Variants in ABCC11 observed in about 807,000 individuals in gnomAD.
The protein encoded by ABCC11 is ATP-binding cassette sub-family C member 11.
In ABCC11, 135 loss-of-function variants were observed where a neutral mutation model predicts 149.3. The ratio of observed to expected loss-of-function variants is 0.90; its 90% CI spans 0.79 to 1.04. The LOEUF (loss-of-function observed/expected upper bound fraction) is 1.04, where lower values mean the gene tolerates loss of function less well. Ranked by LOEUF, ABCC11 falls within the 50% of genes least tolerant of loss-of-function variation. ABCC11 has a pLI of 0.00. For synonymous variants in ABCC11, 665 were observed against 671.4 expected (o/e 0.99, Z 0.15); for missense variants, 1,680 against 1,722.1 (o/e 0.98, Z 0.43).
At chr16:48,192,492 C>T (rs142567632) in intron 20 of ABCC11, 28 bp downstream of exon 20, 80 of 1,611,438 alleles carry the variant, frequency 5.0e-5, no homozygotes, top group African/African-American at 4.3e-4. Flanking sequence ...GCTCAGCCTT[C>T]GGCCCCACCC....
chr16:48,217,789 G>A (rs755833185), intron 6 of ABCC11, among the ~76,000 whole-genome samples: 1 of 152,096 alleles, frequency 6.6e-6, no homozygotes, highest in Non-Finnish European at 1.5e-5. Flanking sequence ...GTACATCAGG[G>A]AGCATAAATT....
chr16:48,212,577 T>G (rs1479438326), intron 10 of ABCC11, among the ~76,000 whole-genome samples: 1 of 152,240 alleles, frequency 6.6e-6, no homozygotes, highest in Non-Finnish European at 1.5e-5. Context: ...TTTATTGGCA[T>G]CATGGCTCTT....
chr16:48,246,749 A>AT (rs1971411221), intron 1 of ABCC11, among the ~76,000 whole-genome samples: 1 of 151,864 alleles, frequency 6.6e-6, no homozygotes, highest in Non-Finnish European at 1.5e-5. Context: ...TAATTTTTAA[A>AT]TTTTTTGTAG....
intron 1 of ABCC11, chr16:48,244,414 T>TC: frequency 1.3e-6 from 2 of 1,579,416 alleles, no homozygotes; most frequent in South Asian, 2.3e-5. Context: ...CCCATCCAGA[T>TC]CCCCAGTCGC....
chr16:48,169,264 AG>A (rs1361623374), intron 28 of ABCC11, among the ~76,000 whole-genome samples: 1 of 152,222 alleles, frequency 6.6e-6, no homozygotes, highest in Non-Finnish European at 1.5e-5. Flanking sequence ...ATTTCAGCTC[AG>A]GTGTAAGGAA....
At chr16:48,243,738 T>C (rs1290072831) in intron 1 of ABCC11, among the ~76,000 whole-genome samples, 1 of 152,214 alleles carries the variant, frequency 6.6e-6, no homozygotes, top group African/African-American at 2.4e-5. Context: ...ACGCCTGTAA[T>C]CCCAGCACTT....
intron 1 of ABCC11, among the ~76,000 whole-genome samples, chr16:48,242,288 T>G (rs1345800988): frequency 6.6e-6 from 1 of 151,982 alleles, no homozygotes; most frequent in East Asian, 1.9e-4. Flanking sequence ...AACAGACACA[T>G]GAAAAAATGC....
At chr16:48,207,761 C>A (rs1262357203) in intron 12 of ABCC11, among the ~76,000 whole-genome samples, 1 of 151,936 alleles carries the variant, frequency 6.6e-6, no homozygotes. Flanking sequence ...GGTGTGTGAG[C>A]CACACATCCA....
intron 6 of ABCC11, among the ~76,000 whole-genome samples, chr16:48,221,914 G>A (rs1033664815): frequency 1.3e-5 from 2 of 150,082 alleles, no homozygotes; most frequent in South Asian, 4.2e-4. Context: ...GTTAATTTTT[G>A]TCTTTTTTTT....
Position 48,230,548 on chromosome 16 carries a change from G to T in ABCC11, c.125C>A (p.Pro42His), listed in dbSNP as rs778257560. 2 of 1,609,904 alleles carry T rather than the reference G, an allele frequency of 1.2e-6. No individual in the cohort carries two copies. Among genetic ancestry groups the T allele is most frequent in the African/African-American group, 2.7e-5 (2 of 74,780 alleles). ...IYKTYTLQDG[P>H]WSQQERNPEA... Reference sequence around the variant, plus strand: ...AGGATTTCTCTCTTGCTGACTCCAGGGGCCATCTTGGAGAGTATAGGTTTT... The same window carrying T: ...AGGATTTCTCTCTTGCTGACTCCAGTGGCCATCTTGGAGAGTATAGGTTTT... The change falls in exon 3 of 30, where the codon CCC (proline) becomes CAC (histidine). Residue 42 changes from proline (P) to histidine (H), a missense_variant. Coordinates refer to ENST00000356608, the MANE Select transcript of ABCC11 (RefSeq NM_001370497.1).
intron 6 of ABCC11, among the ~76,000 whole-genome samples, chr16:48,222,213 C>A (rs1760744417): frequency 6.6e-6 from 1 of 151,874 alleles, no homozygotes; most frequent in South Asian, 2.1e-4. Flanking sequence ...AAGACATGAG[C>A]CACCACAGAT....
At chr16:48,186,880 A>T in intron 22 of ABCC11, 73 bp downstream of exon 22, 1 of 1,564,818 alleles carries the variant, frequency 6.4e-7, no homozygotes, top group Non-Finnish European at 8.7e-7. Context: ...CCACTCCCAG[A>T]CGCTCCATTC....
At chr16:48,169,058 TAA>T (rs1437686337) in intron 28 of ABCC11, among the ~76,000 whole-genome samples, 1 of 152,136 alleles carries the variant, frequency 6.6e-6, no homozygotes, top group East Asian at 1.9e-4. Context: ...AAAGTAAATT[TAA>T]AAAATATATA....
At chr16:48,222,470 A>G (rs768785751) in intron 6 of ABCC11, 128 bp downstream of exon 6, 7 of 758,756 alleles carry the variant, frequency 9.2e-6, no homozygotes, top group Admixed American at 2.8e-5. Context: ...TCAACCTAGG[A>G]ATTATTTTCT....
chr16:48,169,526 A>T (rs1965556585), intron 28 of ABCC11, among the ~76,000 whole-genome samples: 1 of 152,122 alleles, frequency 6.6e-6, no homozygotes, highest in African/African-American at 2.4e-5. Flanking sequence ...AGATGGTTGT[A>T]GATGTGTGGA....
intron 1 of ABCC11, chr16:48,232,398 C>T: frequency 6.5e-6 from 1 of 153,300 alleles, no homozygotes; most frequent in Non-Finnish European, 1.5e-5. Context: ...CTGGAACGTG[C>T]TGGGAGGAGA....
intron 28 of ABCC11, among the ~76,000 whole-genome samples, chr16:48,168,484 A>G (rs1269845760): frequency 1.3e-5 from 2 of 152,198 alleles, no homozygotes; most frequent in Non-Finnish European, 2.9e-5. Context: ...TTAATTAACC[A>G]TGATACATGT....
intron 25 of ABCC11, 75 bp from the exon 26 acceptor site, chr16:48,175,492 T>A: frequency 6.6e-7 from 1 of 1,511,154 alleles, no homozygotes; most frequent in Non-Finnish European, 8.9e-7. Flanking sequence ...CACCTGGCGA[T>A]CACACCTGAC....
intron 11 of ABCC11, chr16:48,209,805 C>T (rs1968764538): frequency 6.6e-6 from 1 of 151,994 alleles, no homozygotes; most frequent in Non-Finnish European, 1.5e-5. Context: ...TCCGTCTAAC[C>T]AAAACCCACT....
Sources: gnomAD v4.1 joint callset for allele counts (sites outside exome capture counted in the v4.1 genomes callset) on GRCh38, gnomAD v4.1.1 for gene constraint, MANE v1.5 for transcripts, NCBI Gene and HGNC (gene_info 2026-07-23, HGNC 2026-07-21) for gene names.